Variants in REDIC1 observed in about 807,000 individuals in gnomAD.
The protein encoded by REDIC1 is regulator of DNA class I crossover intermediates 1, also known as HEI10 Interacting Protein 1.
At chr12:39,849,774 T>C in the REDIC1 span, among the ~76,000 whole-genome samples, 1 of 152,302 alleles carries the variant, frequency 6.6e-6, no homozygotes, top group South Asian at 2.1e-4. Context: ...ATTTGTTGTC[T>C]CTGTCTTTTA....
At chr12:39,727,788 TG>T in the REDIC1 span, among the ~76,000 whole-genome samples, 1 of 152,230 alleles carries the variant, frequency 6.6e-6, no homozygotes, top group Non-Finnish European at 1.5e-5. Context: ...TCCACGAGCA[TG>T]GAATGTTCTT....
At chr12:39,792,498 A>G in the REDIC1 span, among the ~76,000 whole-genome samples, 1 of 152,150 alleles carries the variant, frequency 6.6e-6, no homozygotes, top group African/African-American at 2.4e-5. Context: ...GATAAGAGAC[A>G]CTGCAAGTCC....
chr12:39,671,206 A>G, the REDIC1 span, among the ~76,000 whole-genome samples: 3 of 152,290 alleles, frequency 2.0e-5, no homozygotes, highest in Non-Finnish European at 4.4e-5. Flanking sequence ...ACTTTTTCCT[A>G]TAGGTGTATC....
At chr12:39,835,426 C>T in the REDIC1 span, among the ~76,000 whole-genome samples, 1 of 152,038 alleles carries the variant, frequency 6.6e-6, no homozygotes, top group Non-Finnish European at 1.5e-5. Context: ...TATAGGTATG[C>T]TCTACATTAA....
chr12:39,890,041 A>G, the REDIC1 span, among the ~76,000 whole-genome samples: 2 of 152,186 alleles, frequency 1.3e-5, no homozygotes, highest in South Asian at 4.1e-4. Flanking sequence ...AAATTACTAC[A>G]TTGGGTAGAA....
chr12:39,702,065 C>T, the REDIC1 span, among the ~76,000 whole-genome samples: 1,033 of 151,952 alleles, frequency 6.8e-3, 14 homozygotes, highest in African/African-American at 0.024. Context: ...CAAAAGCTAG[C>T]GGAAGGCAAG....
chr12:39,730,823 C>T, the REDIC1 span, among the ~76,000 whole-genome samples: 1 of 152,148 alleles, frequency 6.6e-6, no homozygotes, highest in South Asian at 2.1e-4. Context: ...CACATAGTCC[C>T]ATATTTCTTG....
the REDIC1 span, among the ~76,000 whole-genome samples, chr12:39,844,560 A>G: frequency 6.6e-6 from 1 of 152,114 alleles, no homozygotes; most frequent in Non-Finnish European, 1.5e-5. Flanking sequence ...TTCATAACAT[A>G]TAAAATATAA....
At chr12:39,816,195 A>T in the REDIC1 span, among the ~76,000 whole-genome samples, 1 of 152,112 alleles carries the variant, frequency 6.6e-6, no homozygotes, top group Non-Finnish European at 1.5e-5. Flanking sequence ...GCTAGTTATG[A>T]TTCTCAAATT....
At chr12:39,724,438 T>C in the REDIC1 span, among the ~76,000 whole-genome samples, 4 of 152,074 alleles carry the variant, frequency 2.6e-5, no homozygotes, top group Non-Finnish European at 4.4e-5. Context: ...TAACCTTAAG[T>C]TGCTCACAAT....
the REDIC1 span, among the ~76,000 whole-genome samples, chr12:39,821,987 T>C: frequency 4.0e-5 from 6 of 151,814 alleles, no homozygotes; most frequent in African/African-American, 4.8e-5. Context: ...GTTACATATG[T>C]ATACATGTGA....
the REDIC1 span, chr12:39,759,874 T>C: frequency 3.3e-6 from 2 of 599,834 alleles, no homozygotes; most frequent in Non-Finnish European, 5.8e-6. Context: ...ATCATGGTTG[T>C]ATCTTCCTCC....
the REDIC1 span, among the ~76,000 whole-genome samples, chr12:39,900,012 C>T: frequency 6.6e-6 from 1 of 152,176 alleles, no homozygotes; most frequent in Non-Finnish European, 1.5e-5. Context: ...GGGCTTCATC[C>T]CTGGGATGCA....
the REDIC1 span, chr12:39,685,077 G>C: frequency 1.9e-6 from 1 of 525,672 alleles, no homozygotes; most frequent in Non-Finnish European, 3.2e-6. Context: ...TTTTTATTCT[G>C]AGGAAATTAT....
chr12:39,835,990 T>C, the REDIC1 span, among the ~76,000 whole-genome samples: 1 of 152,118 alleles, frequency 6.6e-6, no homozygotes, highest in Non-Finnish European at 1.5e-5. Context: ...CAAAATGGAA[T>C]TGGTTAGTAA....
At chr12:39,705,098 AAAT>A in the REDIC1 span, among the ~76,000 whole-genome samples, 1,208 of 139,794 alleles carry the variant, frequency 8.6e-3, 20 homozygotes, top group African/African-American at 0.032. Context: ...TAAATTAAAA[AAAT>A]AAATAAATAA....
At chr12:39,851,099 T>A in the REDIC1 span, among the ~76,000 whole-genome samples, 1 of 152,004 alleles carries the variant, frequency 6.6e-6, no homozygotes, top group Non-Finnish European at 1.5e-5. Flanking sequence ...GGGGTTTCAC[T>A]ATGTTGGCCA....
chr12:39,628,846 T>C, the REDIC1 span, among the ~76,000 whole-genome samples: 1 of 152,180 alleles, frequency 6.6e-6, no homozygotes, highest in South Asian at 2.1e-4. Context: ...TGCTATGATT[T>C]ATATACAAAT....
At chr12:39,726,122 T>C in the REDIC1 span, among the ~76,000 whole-genome samples, 1 of 151,976 alleles carries the variant, frequency 6.6e-6, no homozygotes, top group Non-Finnish European at 1.5e-5. Flanking sequence ...TTTTTGCTGC[T>C]GCCTCCTCCT....
Sources: allele counts gnomAD v4.1 joint callset (sites outside exome capture counted in the v4.1 genomes callset), GRCh38; gene constraint gnomAD v4.1.1; transcripts MANE v1.5; gene names NCBI Gene and HGNC (gene_info 2026-07-23, HGNC 2026-07-21).